Variants in ACE observed in about 807,000 individuals in gnomAD.
The protein encoded by ACE is angiotensin-converting enzyme.
ACE carries 122 observed loss-of-function variants against 162.3 expected under a neutral mutation model. The ratio of observed to expected loss-of-function variants is 0.75; its 90% confidence interval spans 0.65 to 0.87. The LOEUF (loss-of-function observed/expected upper bound fraction) is 0.87. Among genes scored for constraint, ACE ranks in the 40% least tolerant of loss-of-function variants. The pLI is 0.00. For missense variants in ACE, 1,799 were observed against 1,735.1 expected, an observed-to-expected ratio of 1.04 and a Z score of -0.65; for synonymous variants, 796 against 720.6, an observed-to-expected ratio of 1.10 and a Z score of -1.68.
Position 63,484,829 on chromosome 17 carries a change from C to T in ACE, c.1921+288C>T. The T allele has an allele frequency of 6.5e-7, 1 of 1,535,920 alleles. No homozygotes were observed. On this transcript the variant is annotated intron_variant, in intron 12 of 24. Transcript: ENST00000290866. This position sits in a 1 kb window ranked among gnomAD's most constrained non-coding sequence, Gnocchi z 4.0. The stretch of plus-strand genomic sequence containing the variant: ...CACTGCGGGCTCCGCTCTTATTGGC[C>T]AGGGGACGGTAGCTGCAGGACTCTG...
At chr17:63,494,192 A>T in intron 21 of ACE, 126 bp downstream of exon 21, 1 of 1,383,050 alleles carries the variant, frequency 7.2e-7, no homozygotes, top group Non-Finnish European at 1.0e-6. Context: ...GTCTGTGCAT[A>T]TGATGTGTGT....
Position 63,489,060 on chromosome 17 carries a change from C to G in ACE, c.2569C>G (p.Arg857Gly), listed in dbSNP as rs989791368. The G allele has an allele frequency of 6.2e-7, 1 of 1,614,044 alleles. No individual in the cohort carries two copies. The highest frequency in any genetic ancestry group is 1.1e-5 in the South Asian group (1 of 91,086). ...PLYLNLHAYV[R>G]RALHRHYGAQ... ...CTACCTCAACCTGCATGCCTACGTG[C>G]GCCGGGCCCTGCACCGTCACTACGG... The change falls in exon 17 of 25, where the codon CGC becomes GGC. Residue 857 changes from arginine (R) to glycine (G), a missense_variant. By Grantham distance (125) the Arg-to-Gly change is moderately radical. Coordinates refer to ENST00000290866, the MANE Select transcript of ACE (RefSeq NM_000789.4).
In ACE at chr17:63,482,778, C is replaced by T. The variant is rs954310349; in HGVS notation, c.1342+89C>T. ...ACCTCACTTGCCCCACTCAGCTCTGCCCTTCTTTCTGCCTCCCGGCCCCAG... is the reference window on the plus strand; with the variant it reads ...ACCTCACTTGCCCCACTCAGCTCTGTCCTTCTTTCTGCCTCCCGGCCCCAG... On this transcript the variant is annotated intron_variant, in intron 8 of 24. Transcript: ENST00000290866. The T allele has an allele frequency of 2.1e-5, 30 of 1,410,442 alleles. No individual in the cohort carries two copies. In the African/African-American group the frequency reaches 3.5e-4, roughly 17 times the overall value. 87.4% of individuals were successfully genotyped at this position (1,410,442 alleles called of 1,614,324 possible). A position where few individuals can be genotyped will look rare whatever the true frequency, so the allele number is the denominator to read the frequency against.
chr17:63,477,717 C>T, intron 1 of ACE: 1 of 619,716 alleles, frequency 1.6e-6, no homozygotes, highest in Non-Finnish European at 2.8e-6. Context: ...CTTTTCTGGT[C>T]CCAATTTCTG....
Position 63,493,568 on chromosome 17 carries a change from T to A in ACE, c.3045T>A (p.His1015Gln), listed in dbSNP as rs144751624. 196 of 1,614,162 alleles carry A rather than the reference T, an allele frequency of 1.2e-4. 2 individuals are homozygous for A. The African/African-American group carries it at 2.3e-3, about 19-fold the overall frequency. Reference protein sequence around the residue: ...ALREGANPGFHEAIGDVLALS... With the variant: ...ALREGANPGFQEAIGDVLALS... ...GGGAGGGTGCCAACCCCGGCTTCCA[T>A]GAGGCCATTGGGGACGTGCTAGCCC... Residue 1015 changes from histidine to glutamine, a missense_variant, in exon 20 of 25, where the codon CAT becomes CAA. His to Gln is a conservative substitution (Grantham distance 24, BLOSUM62 0). Coordinates refer to ENST00000290866, the MANE Select transcript of ACE (RefSeq NM_000789.4).
In ACE at chr17:63,484,256, G is replaced by A; in HGVS notation, c.1710-74G>A. 1.3e-6 allele frequency: 2 copies of A among 1,496,146 alleles called. No individual in the cohort carries two copies. The highest frequency in any genetic ancestry group is 1.8e-6 in the Non-Finnish European group (2 of 1,105,410). The allele number at this position is 1,496,146 out of a possible 1,614,324, so 92.7% of individuals were successfully genotyped here. A position where few individuals can be genotyped will look rare whatever the true frequency, so the allele number is the denominator to read the frequency against. On this transcript the variant is annotated intron_variant, in intron 11 of 24. Transcript: ENST00000290866. This position sits in a 1 kb window ranked among gnomAD's most constrained non-coding sequence, Gnocchi z 4.0. ...CATTGGGGGGCGGAAGTGGCCAGGGGCATGTGGGCCGGGGTCCAGGAGCAG... is the reference window on the plus strand; with the variant it reads ...CATTGGGGGGCGGAAGTGGCCAGGGACATGTGGGCCGGGGTCCAGGAGCAG...
In ACE at chr17:63,497,200, C is replaced by G; in HGVS notation, c.3755C>G (p.Ala1252Gly). The change falls in exon 25 of 25, where the codon GCG becomes GGG. Residue 1252 changes from alanine to glycine, a missense_variant. Physicochemically the swap from Ala to Gly is moderately conservative, Grantham distance 60. Transcript: ENST00000290866. ...AGCTTCCTGGGCCTGGACCTGGATG[C>G]GCAGCAGGCCCGCGTGGGCCAGTGG... ...RVSFLGLDLD[A>G]QQARVGQWLL... 1 of 1,601,910 alleles carries G rather than the reference C, an allele frequency of 6.2e-7. No individual in the cohort carries two copies.
In ACE at chr17:63,484,021, C is replaced by T; in HGVS notation, c.1709+50C>T. 6.4e-7 allele frequency: 1 copy of T among 1,568,216 alleles called. No individual in the cohort carries two copies. Among genetic ancestry groups the T allele is most frequent in the Non-Finnish European group, 8.6e-7 (1 of 1,158,700 alleles). ...GTGGGAGGCAGAGAGGAGCGGCTGG[C>T]AAAGGGTGTGGCAGGAGGTGTCTGG... On this transcript the variant is annotated intron_variant, in intron 11 of 24. Transcript: ENST00000290866. The surrounding 1 kb of genome is among the most constrained non-coding windows in gnomAD (Gnocchi z 4.0).
At chr17:63,496,245 A>G in intron 22 of ACE, 149 bp from the exon 23 acceptor site, 1 of 1,194,180 alleles carries the variant, frequency 8.4e-7, no homozygotes, top group Non-Finnish European at 1.2e-6. Context: ...GCTCACCCTG[A>G]TAGCTGTGGG....
At chr17:63,477,798 G>T (rs1207086995) in intron 1 of ACE, 133 bp from the exon 2 acceptor site, 2 of 1,115,838 alleles carry the variant, frequency 1.8e-6, no homozygotes, top group Non-Finnish European at 2.6e-6. Context: ...AAGGTCTCCC[G>T]CAGGGATCTC....
In ACE at chr17:63,477,144, C is replaced by G. The variant is rs1441805434; in HGVS notation, c.50C>G (p.Pro17Arg). Residue 17 changes from proline (P) to arginine (R), a missense_variant, in exon 1 of 25, where the codon CCG becomes CGG. Physicochemically the swap from Pro to Arg is moderately radical, Grantham distance 103 (BLOSUM62 -2). Transcript: ENST00000290866. ...RRGPGLLLPL[P>R]LLLLLPPQPA... Reference sequence around the variant, plus strand: ...GGGCCGGGGCTGCTGCTGCCGCTGCCGCTGCTGTTGCTGCTGCCGCCGCAG... The same window carrying G: ...GGGCCGGGGCTGCTGCTGCCGCTGCGGCTGCTGTTGCTGCTGCCGCCGCAG... 3 of 1,438,558 alleles carry G rather than the reference C, an allele frequency of 2.1e-6. No individual in the cohort carries two copies. In the Admixed American group the frequency reaches 7.4e-5, roughly 36 times the overall value. 89.1% of individuals were successfully genotyped at this position (1,438,558 alleles called of 1,614,324 possible). A position where few individuals can be genotyped will look rare whatever the true frequency, so the allele number is the denominator to read the frequency against.
At chr17:63,489,448 G>C (rs1002532523) in intron 17 of ACE, among the ~76,000 whole-genome samples, 2 of 152,228 alleles carry the variant, frequency 1.3e-5, no homozygotes, top group African/African-American at 4.8e-5. Flanking sequence ...AAGAGGCTGT[G>C]AGTGGGAGCT....
In ACE at chr17:63,483,567, G is replaced by GCGGGGGGGGCGCCCCCCCCCC; in HGVS notation, c.1586+10_1586+11insGGGGGGGGCGCCCCCCCCCCC. 1 of 1,589,582 alleles carries GCGGGGGGGGCGCCCCCCCCCC rather than the reference G, an allele frequency of 6.3e-7. No homozygotes were observed. The highest frequency in any genetic ancestry group is 8.6e-7 in the Non-Finnish European group (1 of 1,165,688). The stretch of plus-strand genomic sequence containing the variant: ...GTGACACCATACATCAGGTATTAGC[G>GCGGGGGGGGCGCCCCCCCCCC]CCCCCACCCCACCCACCCCCAGTAC... On this transcript the variant is annotated intron_variant, in intron 10 of 24. Transcript: ENST00000290866.
At chr17:63,490,701 C>T (rs1011390055) in intron 17 of ACE, 7 of 535,956 alleles carry the variant, frequency 1.3e-5, no homozygotes, top group Non-Finnish European at 2.1e-5. Context: ...CCACTGCTCA[C>T]GGACAGTGAA....
chr17:63,480,984 A>G, intron 5 of ACE, 107 bp from the exon 6 acceptor site: 1 of 1,079,154 alleles, frequency 9.3e-7, no homozygotes. Flanking sequence ...GCAGCCCTTG[A>G]GGGCCCCAGG....
intron 2 of ACE, 110 bp from the exon 3 acceptor site, chr17:63,478,896 TG>T: frequency 1.1e-6 from 1 of 875,214 alleles, no homozygotes; most frequent in Non-Finnish European, 1.9e-6. Context: ...TGCCACTGAG[TG>T]GCCTTGTCCA....
chr17:63,497,786 G>C lies in ACE; in HGVS notation c.*420G>C. 2.7e-6 allele frequency: 1 copy of C among 369,194 alleles called. No homozygotes were observed. Among genetic ancestry groups the C allele is most frequent in the Non-Finnish European group, 5.2e-6 (1 of 192,038 alleles). 22.9% of individuals were successfully genotyped at this position (369,194 alleles called of 1,614,324 possible). On this transcript the variant is annotated 3_prime_UTR_variant, in exon 25 of 25. Coordinates refer to ENST00000290866, the MANE Select transcript of ACE (RefSeq NM_000789.4). ...CCAGCACCTCCTGGCGCTGGCGCCT[G>C]TCTTCCCTCCAGCCCAGGCAGCCCG...
At chr17:63,495,968 A>G (rs2030704827) in intron 22 of ACE, among the ~76,000 whole-genome samples, 1 of 152,184 alleles carries the variant, frequency 6.6e-6, no homozygotes, top group African/African-American at 2.4e-5. Flanking sequence ...GATGCTTTGG[A>G]TAAGATCATG....
At chr17:63,480,609 G>A in intron 5 of ACE, 81 bp downstream of exon 5, 2 of 1,508,188 alleles carry the variant, frequency 1.3e-6, no homozygotes, top group Non-Finnish European at 1.8e-6. Context: ...CCAGGGTAAG[G>A]GAAGGTGGGT....
Sources: allele counts gnomAD v4.1 joint callset (sites outside exome capture counted in the v4.1 genomes callset), GRCh38; gene constraint gnomAD v4.1.1; non-coding constraint Gnocchi (gnomAD v3.1); transcripts MANE v1.5; gene names NCBI Gene and HGNC (gene_info 2026-07-23, HGNC 2026-07-21).